Variants in CAST observed in about 807,000 individuals in gnomAD.
CAST encodes MIR583 host.
CAST carries 76 observed loss-of-function variants against 119.6 expected under a neutral mutation model. The ratio of observed to expected loss-of-function variants is 0.64; its 90% confidence interval spans 0.53 to 0.77. The LOEUF (loss-of-function observed/expected upper bound fraction) is 0.77. CAST is among the 30% of genes least tolerant of loss of function. The pLI is 0.00. For missense variants in CAST, 953 were observed against 946.5 expected (o/e 1.01, Z -0.09); for synonymous variants, 319 against 331.6 (o/e 0.96, Z 0.41).
At chr5:96,037,002 C>A in the CAST span, among the ~76,000 whole-genome samples, 11 of 152,012 alleles carry the variant, frequency 7.2e-5, no homozygotes, top group Non-Finnish European at 1.5e-4. Context: ...ATCTACCTTC[C>A]CTTGTGGAAA....
At chr5:96,676,914 C>T (rs1046395555) in intron 2 of CAST, among the ~76,000 whole-genome samples, 5 of 151,286 alleles carry the variant, frequency 3.3e-5, no homozygotes, top group African/African-American at 1.2e-4. Context: ...ATTATCTGGG[C>T]GTGGTGGTGT....
the CAST span, among the ~76,000 whole-genome samples, chr5:96,229,337 C>T: frequency 6.1e-4 from 93 of 151,646 alleles, no homozygotes; most frequent in African/African-American, 1.9e-3. Flanking sequence ...TGACCTTTCA[C>T]GCTTCAGCAG....
chr5:96,147,522 G>C, the CAST span, among the ~76,000 whole-genome samples: 1 of 152,188 alleles, frequency 6.6e-6, no homozygotes, highest in Non-Finnish European at 1.5e-5. Flanking sequence ...AGAATGGCGT[G>C]AACCTGGGAG....
chr5:96,502,145 C>G, the CAST span, among the ~76,000 whole-genome samples: 49 of 152,152 alleles, frequency 3.2e-4, no homozygotes, highest in Non-Finnish European at 6.5e-4. Context: ...CCTTTTTTCT[C>G]TCACAGCACT....
chr5:96,287,530 A>C, the CAST span, among the ~76,000 whole-genome samples: 1 of 152,146 alleles, frequency 6.6e-6, no homozygotes, highest in Non-Finnish European at 1.5e-5. Context: ...GGGAAAAACC[A>C]ATAAGCATAC....
At chr5:96,583,654 T>C (rs1451444408) in intron 1 of CAST, among the ~76,000 whole-genome samples, 4 of 152,208 alleles carry the variant, frequency 2.6e-5, no homozygotes, top group Non-Finnish European at 4.4e-5. Flanking sequence ...TTAGTACCAT[T>C]ATTATTTTCG....
chr5:96,703,384 C>T (rs961456355), intron 3 of CAST, among the ~76,000 whole-genome samples: 1 of 152,236 alleles, frequency 6.6e-6, no homozygotes, highest in African/African-American at 2.4e-5. Context: ...TGAGCTCACT[C>T]TGACCTTTCT....
Position 96,774,322 on chromosome 5 carries a change from C to CATT in CAST, c.*1707_*1709dup, listed in dbSNP as rs1390751121. The CATT allele has an allele frequency of 5.0e-6, 1 of 198,058 alleles. No individual in the cohort carries two copies. Among genetic ancestry groups the CATT allele is most frequent in the African/African-American group, 2.4e-5 (1 of 42,316 alleles). 12.3% of individuals were successfully genotyped at this position (198,058 alleles called of 1,614,324 possible). On this transcript the variant is annotated 3_prime_UTR_variant, in exon 32 of 32. Coordinates refer to ENST00000675179, the MANE Select transcript of CAST (RefSeq NM_001750.7). ...TAAAGATGCCTATAAAAGTAAACAACATTTATTTAAAAAGAACTCTGAATA... is the reference window on the plus strand; with the variant it reads ...TAAAGATGCCTATAAAAGTAAACAACATTATTTATTTAAAAAGAACTCTGAATA...
At chr5:96,459,277 C>T in the CAST span, among the ~76,000 whole-genome samples, 1 of 152,112 alleles carries the variant, frequency 6.6e-6, no homozygotes, top group Non-Finnish European at 1.5e-5. Flanking sequence ...CAGAAGGCCT[C>T]CTTGTGTTAA....
the CAST span, among the ~76,000 whole-genome samples, chr5:96,114,023 G>A: frequency 6.6e-6 from 1 of 152,126 alleles, no homozygotes; most frequent in Admixed American, 6.5e-5. Context: ...ATTTCAGAGA[G>A]CCAAGAAACA....
At chr5:96,443,347 T>C in the CAST span, among the ~76,000 whole-genome samples, 2 of 152,174 alleles carry the variant, frequency 1.3e-5, no homozygotes, top group Non-Finnish European at 2.9e-5. Context: ...CAATAAAATT[T>C]ATGTATATCA....
intron 1 of CAST, among the ~76,000 whole-genome samples, chr5:96,665,663 G>A (rs1026628923): frequency 2.0e-5 from 3 of 151,972 alleles, no homozygotes; most frequent in Admixed American, 6.6e-5. Context: ...TAGCTTCAGG[G>A]AGTTCAGAGA....
At chr5:96,379,088 G>C in the CAST span, among the ~76,000 whole-genome samples, 1 of 151,968 alleles carries the variant, frequency 6.6e-6, no homozygotes, top group East Asian at 1.9e-4. Flanking sequence ...TATTTCCTTA[G>C]GATATTTTCT....
At chr5:96,336,552 A>G in the CAST span, among the ~76,000 whole-genome samples, 1 of 152,218 alleles carries the variant, frequency 6.6e-6, no homozygotes, top group Non-Finnish European at 1.5e-5. Flanking sequence ...ACCCGGCAGA[A>G]CTTGTCTGTT....
At chr5:96,128,647 G>A in the CAST span, among the ~76,000 whole-genome samples, 1 of 152,100 alleles carries the variant, frequency 6.6e-6, no homozygotes, top group African/African-American at 2.4e-5. Flanking sequence ...TTCAGTAGTT[G>A]TTTTCTTGTC....
the CAST span, among the ~76,000 whole-genome samples, chr5:96,213,148 A>T: frequency 2.6e-5 from 4 of 151,986 alleles, no homozygotes; most frequent in Non-Finnish European, 5.9e-5. Context: ...AATTTTAAAA[A>T]ATATTGTGTA....
At chr5:96,244,761 G>A in the CAST span, among the ~76,000 whole-genome samples, 3 of 151,968 alleles carry the variant, frequency 2.0e-5, no homozygotes, top group Admixed American at 1.3e-4. Context: ...AATTCTTTTT[G>A]TTTCTAAACT....
chr5:95,974,098 G>T, the CAST span, among the ~76,000 whole-genome samples: 2 of 152,032 alleles, frequency 1.3e-5, no homozygotes, highest in Admixed American at 6.6e-5. Context: ...CCCTCAAGGG[G>T]CTTTCCAGGG....
chr5:96,650,823 A>G lies in CAST; in HGVS notation c.61-24716A>G, dbSNP rs138735264. ...GGAGAAAGGAAGAAAAGATTACTCA[A>G]AACAGTCTTTACTGCTTTCCAGATG... On this transcript the variant is annotated intron_variant, in intron 1 of 11. Coordinates refer to the CAST transcript ENST00000505143. 3.3e-3 allele frequency among the ~76,000 whole-genome samples: 503 copies of G among 151,994 alleles called. 5 individuals are homozygous for G. The highest frequency in any genetic ancestry group is 2.8e-3 in the Non-Finnish European group (192 of 67,962).
Sources: gnomAD v4.1 joint callset for allele counts (sites outside exome capture counted in the v4.1 genomes callset) on GRCh38, gnomAD v4.1.1 for gene constraint, MANE v1.5 for transcripts, NCBI Gene and HGNC (gene_info 2026-07-23, HGNC 2026-07-21) for gene names.